SEMA3E: variants seen among roughly 807,000 people sequenced by gnomAD.
The protein encoded by SEMA3E is semaphorin 3E.
A neutral mutation model predicts 93.6 loss-of-function variants in SEMA3E; 49 were observed. The ratio of observed to expected loss-of-function variants is 0.52; its 90% CI spans 0.42 to 0.66. SEMA3E has a LOEUF of 0.66. Ranked by LOEUF, SEMA3E falls within the 30% of genes least tolerant of loss-of-function variation. SEMA3E has a pLI of 0.00. For synonymous variants in SEMA3E, 363 were observed against 330.7 expected (o/e 1.10, Z -1.06); for missense variants, 906 against 964.8 (o/e 0.94, Z 0.81).
chr7:83,542,199 A>C (rs1791550225), intron 1 of SEMA3E, among the ~76,000 whole-genome samples: 1 of 151,984 alleles, frequency 6.6e-6, no homozygotes, highest in Admixed American at 6.6e-5. Context: ...AAAAAAAAAA[A>C]AAATTAGCCA....
chr7:83,604,770 G>T (rs1793076003), intron 1 of SEMA3E, among the ~76,000 whole-genome samples: 1 of 151,976 alleles, frequency 6.6e-6, no homozygotes, highest in Non-Finnish European at 1.5e-5. Flanking sequence ...TTGTAATGAT[G>T]CTCTCACTCC....
At chr7:83,416,861 C>G (rs1788552080) in intron 5 of SEMA3E, among the ~76,000 whole-genome samples, 1 of 151,762 alleles carries the variant, frequency 6.6e-6, no homozygotes, top group South Asian at 2.1e-4. Context: ...GAATTTCTTG[C>G]ATTTATGGAC....
chr7:83,449,296 C>A (rs960791197), intron 4 of SEMA3E, among the ~76,000 whole-genome samples: 1 of 151,876 alleles, frequency 6.6e-6, no homozygotes, highest in East Asian at 1.9e-4. Flanking sequence ...GACAGGGTTT[C>A]ACCATGTTGT....
chr7:83,403,858 A>C (rs1788277492), intron 9 of SEMA3E, among the ~76,000 whole-genome samples: 1 of 151,902 alleles, frequency 6.6e-6, no homozygotes, highest in East Asian at 1.9e-4. Context: ...CCATTCTACA[A>C]ATATCAATCC....
At chr7:83,513,429 A>C (rs1054636383) in intron 1 of SEMA3E, among the ~76,000 whole-genome samples, 4 of 152,222 alleles carry the variant, frequency 2.6e-5, no homozygotes, top group Admixed American at 6.5e-5. Flanking sequence ...TAGAAACAAC[A>C]AAAAATATGC....
At chr7:83,484,938 CAG>C (rs1382218596) in intron 2 of SEMA3E, among the ~76,000 whole-genome samples, 3 of 152,088 alleles carry the variant, frequency 2.0e-5, no homozygotes, top group African/African-American at 7.2e-5. Flanking sequence ...AGCAGAACAA[CAG>C]AGTAAGTGTG....
chr7:83,553,122 C>A (rs531090687), intron 1 of SEMA3E, among the ~76,000 whole-genome samples: 2 of 152,150 alleles, frequency 1.3e-5, no homozygotes, highest in African/African-American at 4.8e-5. Context: ...ACAGTCCTAC[C>A]GATAGGTGAT....
At chr7:83,514,242 G>A (rs926014438) in intron 1 of SEMA3E, among the ~76,000 whole-genome samples, 1 of 152,036 alleles carries the variant, frequency 6.6e-6, no homozygotes, top group Non-Finnish European at 1.5e-5. Context: ...CCATAAAAAT[G>A]GGCAACCAGC....
chr7:83,407,277 T>A, intron 6 of SEMA3E, 38 bp from the exon 7 acceptor site: 1 of 1,548,556 alleles, frequency 6.5e-7, no homozygotes, highest in Non-Finnish European at 8.9e-7. Flanking sequence ...GTGAAATAGA[T>A]ATTACAACTA....
chr7:83,388,858 T>A (rs1050824243), intron 14 of SEMA3E, among the ~76,000 whole-genome samples: 1 of 146,616 alleles, frequency 6.8e-6, no homozygotes, highest in East Asian at 2.1e-4. Flanking sequence ...TAAATAACAA[T>A]AATAGAATGC....
intron 4 of SEMA3E, among the ~76,000 whole-genome samples, chr7:83,436,661 A>G (rs976906192): frequency 2.6e-5 from 4 of 152,194 alleles, no homozygotes; most frequent in African/African-American, 7.2e-5. Context: ...GATGTCTTAA[A>G]AATCCAAGGG....
intron 1 of SEMA3E, chr7:83,641,363 C>T: frequency 1.0e-6 from 1 of 985,252 alleles, no homozygotes; most frequent in Non-Finnish European, 1.2e-6. Context: ...AAGTGGGAGA[C>T]TTTCTTTCAC....
At chr7:83,428,689 G>T (rs1254524290) in intron 4 of SEMA3E, among the ~76,000 whole-genome samples, 4 of 151,948 alleles carry the variant, frequency 2.6e-5, no homozygotes, top group Non-Finnish European at 4.4e-5. Flanking sequence ...GAGTAAAATA[G>T]CAAGTAAATA....
At chr7:83,537,234 C>T (rs1259989719) in intron 1 of SEMA3E, among the ~76,000 whole-genome samples, 1 of 152,106 alleles carries the variant, frequency 6.6e-6, no homozygotes, top group Non-Finnish European at 1.5e-5. Context: ...TTGAGGCATC[C>T]ATTCTGTGGT....
At chr7:83,510,712 C>T (rs1483745574) in intron 1 of SEMA3E, among the ~76,000 whole-genome samples, 1 of 152,134 alleles carries the variant, frequency 6.6e-6, no homozygotes, top group Non-Finnish European at 1.5e-5. Context: ...GAAACTCACT[C>T]TATTTATTAA....
chr7:83,465,373 G>A (rs1010136878), intron 4 of SEMA3E, among the ~76,000 whole-genome samples: 6 of 152,098 alleles, frequency 3.9e-5, no homozygotes, highest in Non-Finnish European at 7.4e-5. Context: ...TCTTCACACG[G>A]ATGCACATGA....
chr7:83,448,717 G>A (rs139527736), intron 4 of SEMA3E, among the ~76,000 whole-genome samples: 3,036 of 152,188 alleles, frequency 0.02, 45 homozygotes, highest in Middle Eastern at 0.061. Flanking sequence ...AACTAAAGTA[G>A]ACTAATGTAG....
intron 4 of SEMA3E, among the ~76,000 whole-genome samples, chr7:83,463,552 C>T (rs1290637417): frequency 2.0e-5 from 3 of 152,142 alleles, no homozygotes; most frequent in African/African-American, 7.2e-5. Context: ...ACACCTGACC[C>T]CCATGACTGT....
chr7:83,441,799 T>A (rs1218983650), intron 4 of SEMA3E, among the ~76,000 whole-genome samples: 1 of 152,176 alleles, frequency 6.6e-6, no homozygotes, highest in Non-Finnish European at 1.5e-5. Flanking sequence ...ACAATTAATA[T>A]CACCACTGTC....
Sources: gnomAD v4.1 joint callset for allele counts (sites outside exome capture counted in the v4.1 genomes callset) on GRCh38, gnomAD v4.1.1 for gene constraint, MANE v1.5 for transcripts, NCBI Gene and HGNC (gene_info 2026-07-23, HGNC 2026-07-21) for gene names.